Variants in ITCH observed in about 807,000 individuals in gnomAD.
ITCH encodes itchy E3 ubiquitin protein ligase.
ITCH carries 28 observed loss-of-function variants against 126.8 expected under a neutral mutation model. The ratio of observed to expected loss-of-function variants is 0.22; its 90% CI spans 0.16 to 0.30. ITCH has a LOEUF of 0.30. Among genes scored for constraint, ITCH ranks in the 10% least tolerant of loss-of-function variants. The pLI, the probability that ITCH is intolerant of heterozygous loss-of-function variation, is 1.00. For synonymous variants in ITCH, 342 were observed against 340.0 expected, an observed-to-expected ratio of 1.01 and a Z score of -0.06; for missense variants, 631 against 1,032.4, an observed-to-expected ratio of 0.61 and a Z score of 5.33.
chr20:34,423,833 C>G (rs879666609), intron 6 of ITCH, among the ~76,000 whole-genome samples: 7 of 152,128 alleles, frequency 4.6e-5, no homozygotes, highest in Admixed American at 3.3e-4. Context: ...GAACTCCTGA[C>G]CTGAGGTGAT....
At chr20:34,457,351 CT>C in intron 12 of ITCH, 38 bp from the exon 13 acceptor site, 3 of 1,327,792 alleles carry the variant, frequency 2.3e-6, no homozygotes, top group Non-Finnish European at 3.3e-6. Context: ...TATGCCAATG[CT>C]AATGCTTTGC....
At chr20:34,430,624 C>T (rs1230829369) in intron 7 of ITCH, among the ~76,000 whole-genome samples, 1 of 152,082 alleles carries the variant, frequency 6.6e-6, no homozygotes, top group Non-Finnish European at 1.5e-5. Flanking sequence ...ATGCGTGCAC[C>T]ACTAGACTTG....
At chr20:34,431,318 C>T (rs998601946) in intron 7 of ITCH, among the ~76,000 whole-genome samples, 2 of 151,976 alleles carry the variant, frequency 1.3e-5, no homozygotes, top group East Asian at 1.9e-4. Flanking sequence ...GAGGCTAAGG[C>T]GGGAGGATCC....
intron 12 of ITCH, among the ~76,000 whole-genome samples, chr20:34,452,327 T>G (rs1252262959): frequency 6.6e-6 from 1 of 152,234 alleles, no homozygotes; most frequent in Non-Finnish European, 1.5e-5. Flanking sequence ...AACACTTTGC[T>G]AAAATACTGT....
intron 2 of ITCH, among the ~76,000 whole-genome samples, chr20:34,376,945 A>G (rs2037868791): frequency 6.6e-6 from 1 of 152,196 alleles, no homozygotes; most frequent in South Asian, 2.1e-4. Flanking sequence ...GGATATGGGA[A>G]GATACTGTGT....
At chr20:34,502,377 T>C (rs970831587) in intron 23 of ITCH, among the ~76,000 whole-genome samples, 5 of 150,722 alleles carry the variant, frequency 3.3e-5, no homozygotes, top group African/African-American at 1.2e-4. Flanking sequence ...ATGGGCAACA[T>C]AGTGATACCC....
At chr20:34,369,363 AT>A in intron 1 of ITCH, 30 bp from the exon 2 acceptor site, 2 of 398,976 alleles carry the variant, frequency 5.0e-6, no homozygotes, top group Non-Finnish European at 8.8e-6. Context: ...TATAGAAGTA[AT>A]GTGTTAATGG....
At chr20:34,484,722 G>C (rs1349374857) in intron 20 of ITCH, among the ~76,000 whole-genome samples, 4 of 152,078 alleles carry the variant, frequency 2.6e-5, no homozygotes, top group Non-Finnish European at 4.4e-5. Flanking sequence ...AATTTCCTTA[G>C]AATAAAATGC....
chr20:34,465,080 G>T (rs752476503), intron 14 of ITCH, among the ~76,000 whole-genome samples: 2 of 152,308 alleles, frequency 1.3e-5, no homozygotes, highest in South Asian at 2.1e-4. Context: ...TGTATATGGT[G>T]TTGGGTAAGG....
At chr20:34,413,669 T>TAA in intron 5 of ITCH, 73 bp from the exon 6 acceptor site, 1 of 1,367,850 alleles carries the variant, frequency 7.3e-7, no homozygotes, top group South Asian at 1.4e-5. Flanking sequence ...TTTTAACAGT[T>TAA]AATTTTTAAC....
chr20:34,448,156 G>A (rs1369950844), intron 11 of ITCH, among the ~76,000 whole-genome samples: 2 of 152,154 alleles, frequency 1.3e-5, no homozygotes, highest in Non-Finnish European at 2.9e-5. Flanking sequence ...TTGGGAGGCC[G>A]AGGCGGGTGG....
rs547229816 is a variant in ITCH, at chr20:34,389,244, C to T, written c.-21-4547C>T. On this transcript the variant is annotated intron_variant, in intron 2 of 24. Transcript: ENST00000374864. ...TGTTGCCCACACTGCTTTCAACCTTCTGGGCTCAAGCAACCCTCCCTGCTC... is the reference window on the plus strand; with the variant it reads ...TGTTGCCCACACTGCTTTCAACCTTTTGGGCTCAAGCAACCCTCCCTGCTC... Among the ~76,000 whole-genome samples, 203 of 152,164 alleles carry T rather than the reference C, an allele frequency of 1.3e-3. 1 individual carries two copies. Among genetic ancestry groups the T allele is most frequent in the African/African-American group, 4.6e-3 (193 of 41,516 alleles).
At chr20:34,407,495 A>T (rs1978323011) in intron 3 of ITCH, among the ~76,000 whole-genome samples, 1 of 152,026 alleles carries the variant, frequency 6.6e-6, no homozygotes, top group South Asian at 2.1e-4. Context: ...TCTTAAACTC[A>T]TGACCTCAGG....
chr20:34,417,995 A>G (rs966231734), intron 6 of ITCH, among the ~76,000 whole-genome samples: 6 of 146,668 alleles, frequency 4.1e-5, no homozygotes, highest in South Asian at 2.2e-4. Flanking sequence ...GAGACAGGGT[A>G]TCGTTCATTT....
chr20:34,363,920 C>G (rs2037303219), intron 1 of ITCH, among the ~76,000 whole-genome samples: 1 of 152,184 alleles, frequency 6.6e-6, no homozygotes. Flanking sequence ...CCGGCTCCGG[C>G]GCCCTCCCCG....
chr20:34,378,499 TAA>T (rs759045132), intron 2 of ITCH, among the ~76,000 whole-genome samples: 4 of 110,862 alleles, frequency 3.6e-5, no homozygotes. Flanking sequence ...AAAAAAGATG[TAA>T]AAAAAAAAAA....
At chr20:34,376,257 G>C (rs934739040) in intron 2 of ITCH, among the ~76,000 whole-genome samples, 6 of 151,864 alleles carry the variant, frequency 4.0e-5, no homozygotes, top group Non-Finnish European at 5.9e-5. Flanking sequence ...GTGAAACACT[G>C]TCTCTACAAA....
intron 9 of ITCH, among the ~76,000 whole-genome samples, chr20:34,441,113 A>G (rs1251451598): frequency 6.6e-6 from 1 of 152,012 alleles, no homozygotes; most frequent in East Asian, 2.0e-4. Context: ...TCTACTAAAA[A>G]TACAAAAAAT....
chr20:34,465,746 G>A (rs1435825873), intron 14 of ITCH, among the ~76,000 whole-genome samples: 1 of 152,028 alleles, frequency 6.6e-6, no homozygotes, highest in South Asian at 2.1e-4. Context: ...GAACTATTTT[G>A]TGTTGACTTT....
Sources: allele counts gnomAD v4.1 joint callset (sites outside exome capture counted in the v4.1 genomes callset), GRCh38; gene constraint gnomAD v4.1.1; transcripts MANE v1.5; gene names NCBI Gene and HGNC (gene_info 2026-07-23, HGNC 2026-07-21).